Variants in FCHSD2 observed in about 807,000 individuals in gnomAD.
FCHSD2 encodes the protein FCH and double SH3 domains 2.
Under a neutral mutation model 108.1 loss-of-function variants are expected in FCHSD2, and 38 were observed. That is an observed-to-expected ratio of 0.35 (90% CI 0.27 to 0.46). FCHSD2 has a LOEUF of 0.46. FCHSD2 is among the 20% of genes least tolerant of loss of function. The probability of loss-of-function intolerance (pLI) is 1.00; values close to 1 mark genes in which losing one functional copy is unlikely to be tolerated. For missense variants in FCHSD2, 751 were observed against 897.8 expected (o/e 0.84, Z 2.09); for synonymous variants, 279 against 314.7 (o/e 0.89, Z 1.20).
chr11:72,907,737 C>A (rs1343744221), intron 9 of FCHSD2, among the ~76,000 whole-genome samples: 8 of 151,540 alleles, frequency 5.3e-5, no homozygotes, highest in Non-Finnish European at 1.0e-4. Flanking sequence ...ACTACAGGCA[C>A]CCGCCACCAC....
At chr11:73,009,665 A>T (rs921673478) in intron 4 of FCHSD2, among the ~76,000 whole-genome samples, 1 of 152,010 alleles carries the variant, frequency 6.6e-6, no homozygotes, top group Non-Finnish European at 1.5e-5. Context: ...ATTTTGCTGA[A>T]TACAGTACCC....
At position 73,091,367 on chromosome 11, in the gene FCHSD2, C is replaced by A. The variant is rs183946797; in HGVS notation, c.120-7627G>T. Among the ~76,000 whole-genome samples, 191 of 151,930 alleles carry A rather than the reference C, an allele frequency of 1.3e-3. 1 individual carries two copies. The highest frequency in any genetic ancestry group is 3.4e-3 in the Middle Eastern group (1 of 294). On this transcript the variant is annotated intron_variant, in intron 2 of 19. Transcript: ENST00000409418. The stretch of plus-strand genomic sequence containing the variant: ...CAGCCTGGCCAACATGGTGAAACCC[C>A]ATCTCTACTAAAAATACAAACAACA...
chr11:73,087,251 A>C (rs1414383471), intron 2 of FCHSD2, among the ~76,000 whole-genome samples: 2 of 152,200 alleles, frequency 1.3e-5, no homozygotes. Flanking sequence ...AATAGTCAAA[A>C]GCTTATAAAG....
At chr11:72,946,953 T>C (rs78113905) in intron 8 of FCHSD2, among the ~76,000 whole-genome samples, 57 of 152,324 alleles carry the variant, frequency 3.7e-4, no homozygotes, top group African/African-American at 1.4e-3. Context: ...TTTGTGGGAC[T>C]AGTCTTTGCA....
At chr11:72,906,975 T>C (rs777128859) in intron 9 of FCHSD2, among the ~76,000 whole-genome samples, 1 of 152,208 alleles carries the variant, frequency 6.6e-6, no homozygotes, top group Non-Finnish European at 1.5e-5. Context: ...CAGTGGTAGC[T>C]TGATGGGGAC....
intron 8 of FCHSD2, among the ~76,000 whole-genome samples, chr11:72,939,765 C>T (rs1004328028): frequency 1.3e-5 from 2 of 151,328 alleles, no homozygotes; most frequent in Non-Finnish European, 3.0e-5. Context: ...ATTACAGATG[C>T]CCACCAAGAC....
Position 72,998,206 on chromosome 11 carries a change from T to C in FCHSD2, c.387+2784A>G, listed in dbSNP as rs117980813. 3.8e-4 allele frequency among the ~76,000 whole-genome samples: 58 copies of C among 152,284 alleles called. 1 individual carries two copies. The East Asian group carries it at 0.01, about 26-fold the overall frequency. On this transcript the variant is annotated intron_variant, in intron 5 of 19. Coordinates refer to ENST00000409418, the MANE Select transcript of FCHSD2 (RefSeq NM_014824.3). The stretch of plus-strand genomic sequence containing the variant: ...ATCTTGCTAGAAGATTTTTATATTG[T>C]TCATGAGGTAGTAAAATACTAATTC...
intron 3 of FCHSD2, among the ~76,000 whole-genome samples, chr11:73,060,475 C>T (rs1349619731): frequency 2.0e-5 from 3 of 152,130 alleles, no homozygotes; most frequent in Non-Finnish European, 2.9e-5. Flanking sequence ...TTCTCACAGG[C>T]AATGAAGGAA....
chr11:73,111,796 A>G (rs1203292720), intron 2 of FCHSD2, among the ~76,000 whole-genome samples: 1 of 152,122 alleles, frequency 6.6e-6, no homozygotes, highest in Non-Finnish European at 1.5e-5. Flanking sequence ...CAAGGCTTGC[A>G]AATACTACCA....
At chr11:73,033,559 T>C (rs1414680038) in intron 3 of FCHSD2, among the ~76,000 whole-genome samples, 3 of 152,156 alleles carry the variant, frequency 2.0e-5, no homozygotes, top group East Asian at 3.8e-4. Context: ...ACACAAGACA[T>C]CTTCCACAAG....
chr11:73,107,256 T>C (rs953438405), intron 2 of FCHSD2, among the ~76,000 whole-genome samples: 1 of 152,208 alleles, frequency 6.6e-6, no homozygotes, highest in African/African-American at 2.4e-5. Flanking sequence ...GGTTTCACCA[T>C]GTTGGCCAGG....
At chr11:73,028,767 T>C (rs887086859) in intron 3 of FCHSD2, among the ~76,000 whole-genome samples, 8 of 152,144 alleles carry the variant, frequency 5.3e-5, no homozygotes, top group African/African-American at 1.9e-4. Context: ...AGGGCAGATT[T>C]TCCTCATGCT....
chr11:73,047,106 TA>T (rs1466733054), intron 3 of FCHSD2, among the ~76,000 whole-genome samples: 1 of 151,368 alleles, frequency 6.6e-6, no homozygotes, highest in Non-Finnish European at 1.5e-5. Context: ...TACTTTTTTA[TA>T]AAGGAAAAAC....
At chr11:72,934,010 G>T (rs1480019938) in intron 8 of FCHSD2, among the ~76,000 whole-genome samples, 1 of 148,612 alleles carries the variant, frequency 6.7e-6, no homozygotes, top group Non-Finnish European at 1.5e-5. Flanking sequence ...TCAGGAGGCT[G>T]AGGTAGGAGG....
chr11:72,950,178 T>A (rs1048687170), intron 8 of FCHSD2, among the ~76,000 whole-genome samples: 3 of 152,186 alleles, frequency 2.0e-5, no homozygotes, highest in African/African-American at 7.2e-5. Flanking sequence ...CTTGCCCTTT[T>A]AAAAAAACTG....
At chr11:72,971,871 T>C (rs186948625) in intron 8 of FCHSD2, among the ~76,000 whole-genome samples, 10 of 152,288 alleles carry the variant, frequency 6.6e-5, no homozygotes, top group African/African-American at 1.7e-4. Flanking sequence ...ATTTGTTACA[T>C]AGCAACGGAA....
At chr11:73,051,868 AAC>A (rs61511109) in intron 3 of FCHSD2, among the ~76,000 whole-genome samples, 12,287 of 141,616 alleles carry the variant, frequency 0.087, 557 homozygotes, top group East Asian at 0.15. Flanking sequence ...ACGGTATATA[AAC>A]ACACACACAC....
intron 4 of FCHSD2, among the ~76,000 whole-genome samples, chr11:73,003,020 GTAT>G (rs1230532705): frequency 6.6e-5 from 10 of 152,156 alleles, no homozygotes; most frequent in Non-Finnish European, 1.5e-4. Context: ...ATGGATGAAT[GTAT>G]TAACTATGAA....
intron 4 of FCHSD2, among the ~76,000 whole-genome samples, chr11:73,012,324 CTA>C (rs1217808629): frequency 2.6e-5 from 4 of 152,164 alleles, no homozygotes; most frequent in Admixed American, 6.5e-5. Context: ...AACAACAAAA[CTA>C]TGTATGCCCA....
Sources: gnomAD v4.1 joint callset for allele counts (sites outside exome capture counted in the v4.1 genomes callset) on GRCh38, gnomAD v4.1.1 for gene constraint, MANE v1.5 for transcripts, NCBI Gene and HGNC (gene_info 2026-07-23, HGNC 2026-07-21) for gene names.